Variants in ICA1 observed in about 807,000 individuals in gnomAD.
ICA1 encodes 69 kDa islet cell autoantigen.
In ICA1, 40 loss-of-function variants were observed where a neutral mutation model predicts 71.0. The ratio of observed to expected loss-of-function variants is 0.56; its 90% CI spans 0.44 to 0.73. The LOEUF (loss-of-function observed/expected upper bound fraction) is 0.73, where lower values mean the gene tolerates loss of function less well. ICA1 is among the 30% of genes least tolerant of loss of function. ICA1 has a pLI of 0.00. For missense variants in ICA1, 578 were observed against 576.5 expected (o/e 1.00, Z -0.03); for synonymous variants, 207 against 209.5 (o/e 0.99, Z 0.10).
At chr7:8,220,792 T>TTCTAACACA (rs1259416016) in intron 5 of ICA1, among the ~76,000 whole-genome samples, 1 of 152,140 alleles carries the variant, frequency 6.6e-6, no homozygotes, top group African/African-American at 2.4e-5. Flanking sequence ...CATTCTGCAT[T>TTCTAACACA]TCTAACACAC....
At chr7:8,255,203 T>A (rs1809648441) in intron 1 of ICA1, among the ~76,000 whole-genome samples, 1 of 152,176 alleles carries the variant, frequency 6.6e-6, no homozygotes, top group South Asian at 2.1e-4. Context: ...TCAGTTCCCA[T>A]CCTCTTCCTT....
chr7:8,153,303 G>T (rs1385678825), intron 8 of ICA1, among the ~76,000 whole-genome samples: 1 of 152,168 alleles, frequency 6.6e-6, no homozygotes, highest in African/African-American at 2.4e-5. Context: ...TTAAATACAG[G>T]CACTCTGATC....
chr7:8,221,177 T>A lies in ICA1; in HGVS notation c.380+98A>T, dbSNP rs1159611282. ...AGCAGCTCCTCAGCCTCAGGCAAAA[T>A]CCTTCTAAAGAACACTGTGAGATTC... On this transcript the variant is annotated intron_variant, in intron 5 of 13. Transcript: ENST00000402384. The A allele has an allele frequency of 2.0e-6, 3 of 1,493,750 alleles. No homozygotes were observed. The East Asian group carries it at 6.9e-5, about 34-fold the overall frequency. 92.5% of individuals were successfully genotyped at this position (1,493,750 alleles called of 1,614,324 possible).
intron 7 of ICA1, among the ~76,000 whole-genome samples, chr7:8,157,969 T>C (rs7800978): frequency 0.079 from 11,960 of 152,130 alleles, 1,459 homozygotes; most frequent in African/African-American, 0.26. Flanking sequence ...GGATTACAGG[T>C]GAGAGCCACT....
intron 6 of ICA1, among the ~76,000 whole-genome samples, chr7:8,205,177 A>C (rs1273075940): frequency 6.6e-6 from 1 of 152,052 alleles, no homozygotes; most frequent in Non-Finnish European, 1.5e-5. Flanking sequence ...GTACCAATAA[A>C]AGCTTTAGCT....
intron 1 of ICA1, among the ~76,000 whole-genome samples, chr7:8,245,537 AC>A (rs1265977756): frequency 2.0e-5 from 3 of 152,116 alleles, no homozygotes; most frequent in African/African-American, 7.2e-5. Flanking sequence ...GTGCTCATGT[AC>A]CCTAGAACTT....
At chr7:8,249,944 T>A (rs950145397) in intron 1 of ICA1, among the ~76,000 whole-genome samples, 1 of 152,186 alleles carries the variant, frequency 6.6e-6, no homozygotes, top group Non-Finnish European at 1.5e-5. Context: ...TAGAAAGAGA[T>A]GAGGAAGAAC....
chr7:8,164,725 G>A (rs1358918653), intron 6 of ICA1, among the ~76,000 whole-genome samples: 9 of 152,130 alleles, frequency 5.9e-5, no homozygotes, highest in Non-Finnish European at 1.3e-4. Context: ...ACTTCTTTTG[G>A]CCTTTAATAA....
At chr7:8,249,549 T>G (rs1453394747) in intron 1 of ICA1, among the ~76,000 whole-genome samples, 1 of 152,236 alleles carries the variant, frequency 6.6e-6, no homozygotes, top group Non-Finnish European at 1.5e-5. Flanking sequence ...CTGCCTTTGT[T>G]AGGGAGTTAG....
chr7:8,217,091 T>C (rs1241966587), intron 6 of ICA1, among the ~76,000 whole-genome samples: 1 of 152,224 alleles, frequency 6.6e-6, no homozygotes, highest in Admixed American at 6.5e-5. Flanking sequence ...TTTGGGGCTT[T>C]GATTTTTCTC....
chr7:8,146,326 T>G (rs1218841023), intron 8 of ICA1, among the ~76,000 whole-genome samples: 1 of 151,736 alleles, frequency 6.6e-6, no homozygotes, highest in Non-Finnish European at 1.5e-5. Flanking sequence ...GAGAAGAGAG[T>G]TCCGAGTCAA....
chr7:8,221,959 G>C (rs1167289620), intron 4 of ICA1, among the ~76,000 whole-genome samples: 2 of 152,052 alleles, frequency 1.3e-5, no homozygotes, highest in African/African-American at 4.8e-5. Flanking sequence ...TACAGAGCTG[G>C]AACCAAATCT....
At chr7:8,221,243 C>T (rs780260781) in intron 5 of ICA1, 32 bp downstream of exon 5, 7 of 1,612,348 alleles carry the variant, frequency 4.3e-6, no homozygotes, top group African/African-American at 1.3e-5. Context: ...CCTCAGATCC[C>T]CCCAGATAGA....
chr7:8,117,846 T>C (rs768843544), intron 13 of ICA1, among the ~76,000 whole-genome samples: 2 of 152,244 alleles, frequency 1.3e-5, no homozygotes, highest in Non-Finnish European at 2.9e-5. Context: ...TAGGATTTAA[T>C]GCCACTTGTT....
At chr7:8,166,011 G>T (rs1805826699) in intron 6 of ICA1, among the ~76,000 whole-genome samples, 1 of 152,070 alleles carries the variant, frequency 6.6e-6, no homozygotes, top group South Asian at 2.1e-4. Context: ...GAAGTAGAAA[G>T]ATCTATTTTA....
chr7:8,257,020 T>G (rs1448504444), intron 1 of ICA1, among the ~76,000 whole-genome samples: 1 of 152,246 alleles, frequency 6.6e-6, no homozygotes, highest in East Asian at 1.9e-4. Flanking sequence ...TTTTGACTTC[T>G]GAGCTCCTGT....
chr7:8,148,268 T>C (rs764218805), intron 8 of ICA1, among the ~76,000 whole-genome samples: 2 of 152,238 alleles, frequency 1.3e-5, no homozygotes, highest in South Asian at 2.1e-4. Flanking sequence ...GTGATTGTGA[T>C]TGAACTGCCT....
In ICA1 at chr7:8,232,774, C is replaced by T. The variant is rs372282296; in HGVS notation, c.18-19G>A. 3.2e-6 allele frequency: 5 copies of T among 1,546,878 alleles called. No individual in the cohort carries two copies. The East Asian group carries it at 1.2e-4, about 36-fold the overall frequency. On this transcript the variant is annotated intron_variant, in intron 2 of 13. Coordinates refer to ENST00000402384, the MANE Select transcript of ICA1 (RefSeq NM_001136020.3). ...ATAACTGCTAAAAACATTTAAAGAA[C>T]TATTTTATTCACACCTTTCATAAAG...
At chr7:8,115,630 CA>C (rs1784550179) in intron 13 of ICA1, among the ~76,000 whole-genome samples, 1 of 152,196 alleles carries the variant, frequency 6.6e-6, no homozygotes, top group African/African-American at 2.4e-5. Context: ...AACTTATTTG[CA>C]TAACACTTAA....
Sources: allele counts gnomAD v4.1 joint callset (sites outside exome capture counted in the v4.1 genomes callset), GRCh38; gene constraint gnomAD v4.1.1; transcripts MANE v1.5; gene names NCBI Gene and HGNC (gene_info 2026-07-23, HGNC 2026-07-21).